TMC2: variants seen among roughly 807,000 people sequenced by gnomAD.
TMC2 encodes the protein transmembrane channel like 2.
A neutral mutation model predicts 105.9 loss-of-function variants in TMC2; 102 were observed. The ratio of observed to expected loss-of-function variants is 0.96; its 90% CI spans 0.82 to 1.14. The LOEUF (loss-of-function observed/expected upper bound fraction) is 1.14. Among genes scored for constraint, TMC2 ranks in the 50% most tolerant of loss-of-function variants. TMC2 has a pLI of 0.00. For missense variants in TMC2, 1,093 were observed against 1,134.3 expected, an observed-to-expected ratio of 0.96 and a Z score of 0.52; for synonymous variants, 402 against 422.8, an observed-to-expected ratio of 0.95 and a Z score of 0.60.
chr20:2,579,926 A>G (rs775735359), intron 6 of TMC2, 24 bp from the exon 7 acceptor site: 11 of 1,549,944 alleles, frequency 7.1e-6, no homozygotes, highest in Non-Finnish European at 8.9e-6. Flanking sequence ...CAGCACTCAT[A>G]CCCACCGTCT....
At chr20:2,542,213 GTGGT>G (rs1040557936) in intron 2 of TMC2, among the ~76,000 whole-genome samples, 8 of 152,160 alleles carry the variant, frequency 5.3e-5, no homozygotes, top group Non-Finnish European at 1.2e-4. Flanking sequence ...ACTCAAGGAG[GTGGT>G]TAGAATTTGG....
At chr20:2,613,835 T>A (rs1301221456) in intron 14 of TMC2, 1 of 211,264 alleles carries the variant, frequency 4.7e-6, no homozygotes, top group Admixed American at 5.3e-5. Context: ...CTCTGTAGTG[T>A]CCTTCTATGC....
chr20:2,548,648 AAAG>A (rs1339342889), intron 2 of TMC2, among the ~76,000 whole-genome samples: 3 of 152,034 alleles, frequency 2.0e-5, no homozygotes, highest in Admixed American at 6.6e-5. Flanking sequence ...CAAAAAAAAA[AAAG>A]AAAGAAAAAG....
intron 10 of TMC2, among the ~76,000 whole-genome samples, chr20:2,597,840 C>T (rs747582962): frequency 1.3e-5 from 2 of 152,080 alleles, no homozygotes; most frequent in Non-Finnish European, 2.9e-5. Flanking sequence ...ATGCTGAGAC[C>T]TGGTGCTGCC....
chr20:2,610,932 CTA>C (rs959145477), intron 12 of TMC2, among the ~76,000 whole-genome samples: 29 of 152,276 alleles, frequency 1.9e-4, no homozygotes, highest in African/African-American at 6.0e-4. Flanking sequence ...CTCTAAGGGG[CTA>C]TGTCATTACT....
At position 2,606,899 on chromosome 20, in the gene TMC2, T is replaced by C. The variant is rs1315753268; in HGVS notation, c.1414-3520T>C. 1.8e-3 allele frequency among the ~76,000 whole-genome samples: 269 copies of C among 148,390 alleles called. 3 individuals are homozygous for C. Among genetic ancestry groups the C allele is most frequent in the East Asian group, 0.016 (82 of 5,138 alleles). On this transcript the variant is annotated intron_variant, in intron 11 of 19. Coordinates refer to ENST00000358864, the MANE Select transcript of TMC2 (RefSeq NM_080751.3). ...CCCTTAATTTCTTTTTTCTTTTTTT[T>C]TTTTTTTTTTTGCAGTATTCTGTCA...
chr20:2,574,400 T>C (rs1297853528), intron 5 of TMC2, among the ~76,000 whole-genome samples: 1 of 152,264 alleles, frequency 6.6e-6, no homozygotes, highest in East Asian at 1.9e-4. Context: ...ACTTGCATTA[T>C]AATTGTAAAT....
At chr20:2,609,171 GT>G (rs1310969451) in intron 11 of TMC2, among the ~76,000 whole-genome samples, 1 of 152,202 alleles carries the variant, frequency 6.6e-6, no homozygotes, top group Non-Finnish European at 1.5e-5. Flanking sequence ...CTCTGAGTCT[GT>G]TTTGGGGGCC....
At chr20:2,641,049 A>G (rs1183440992) in intron 19 of TMC2, 85 bp from the exon 20 acceptor site, 5 of 1,187,466 alleles carry the variant, frequency 4.2e-6, no homozygotes, top group Non-Finnish European at 6.2e-6. Context: ...AAACCTACAC[A>G]CACCGCAGGG....
intron 5 of TMC2, among the ~76,000 whole-genome samples, chr20:2,573,925 C>T (rs1386093012): frequency 6.6e-6 from 1 of 152,098 alleles, no homozygotes; most frequent in Non-Finnish European, 1.5e-5. Context: ...GTTGGGTTCT[C>T]CTAAATGTGA....
intron 2 of TMC2, among the ~76,000 whole-genome samples, chr20:2,543,578 A>G (rs1465147598): frequency 2.0e-5 from 3 of 152,358 alleles, no homozygotes; most frequent in South Asian, 4.1e-4. Context: ...AAAATCCTGT[A>G]ATGAACAATC....
intron 9 of TMC2, among the ~76,000 whole-genome samples, chr20:2,595,314 A>T (rs1441938637): frequency 6.6e-6 from 1 of 152,182 alleles, no homozygotes; most frequent in Non-Finnish European, 1.5e-5. Flanking sequence ...GTGGCTTGAG[A>T]GGGAGCATAG....
intron 17 of TMC2, among the ~76,000 whole-genome samples, chr20:2,624,664 G>A (rs2086551577): frequency 6.6e-6 from 1 of 152,168 alleles, no homozygotes; most frequent in Non-Finnish European, 1.5e-5. Context: ...AAGGATCCGA[G>A]GCATTTATAG....
At chr20:2,545,903 AGAAAAAAAGAAAGAAAT>A (rs1400877429) in intron 2 of TMC2, among the ~76,000 whole-genome samples, 2 of 122,710 alleles carry the variant, frequency 1.6e-5, no homozygotes, top group African/African-American at 6.3e-5. Flanking sequence ...AAAGAAAGAA[AGAAAAAAAGAAAGAAAT>A]GAAAGAAAGA....
intron 4 of TMC2, among the ~76,000 whole-genome samples, chr20:2,563,369 A>C (rs1463798711): frequency 6.6e-6 from 1 of 152,230 alleles, no homozygotes; most frequent in Non-Finnish European, 1.5e-5. Flanking sequence ...CTCCAGGCCT[A>C]TGCTTTAGGC....
chr20:2,633,018 T>C (rs182354878), intron 17 of TMC2, among the ~76,000 whole-genome samples: 1 of 152,372 alleles, frequency 6.6e-6, no homozygotes, highest in African/African-American at 2.4e-5. Flanking sequence ...GTTGTCGTTA[T>C]TGTTGTTTAA....
chr20:2,546,260 G>A (rs1225390758), intron 2 of TMC2, among the ~76,000 whole-genome samples: 2 of 152,144 alleles, frequency 1.3e-5, no homozygotes, highest in East Asian at 3.8e-4. Flanking sequence ...AATGAAACTG[G>A]GTAGCTCCTG....
At position 2,558,255 on chromosome 20, in the gene TMC2, G is replaced by A. The variant is rs150262676; in HGVS notation, c.83-201G>A. On this transcript the variant is annotated intron_variant, in intron 2 of 19. Transcript: ENST00000358864. This position sits in a 1 kb window ranked among gnomAD's most constrained non-coding sequence, Gnocchi z 4.6. ...GAGAAGGCCAGAGAGTGACCTTCCT[G>A]CTTCTGCAGTTTTCTTAGTTTCCTT... is the stretch of plus-strand genomic sequence containing the variant. 334 of 1,313,070 alleles carry A rather than the reference G, an allele frequency of 2.5e-4. 2 individuals are homozygous for A. In the East Asian group the frequency reaches 7.3e-3, roughly 29 times the overall value. 81.3% of individuals were successfully genotyped at this position (1,313,070 alleles called of 1,614,324 possible). A position where few individuals can be genotyped will look rare whatever the true frequency, so the allele number is the denominator to read the frequency against.
Position 2,537,336 on chromosome 20 carries a change from T to C in TMC2, c.82+20T>C, listed in dbSNP as rs1024968120. ...ACACAGGTGAGATGGGGTGGTGGGG[T>C]CTCTGGGGAGCCTGCAGTGCCTGGG... On this transcript the variant is annotated intron_variant, in intron 2 of 19. Transcript: ENST00000358864. The C allele has an allele frequency of 6.3e-7, 1 of 1,588,998 alleles. No homozygotes were observed. Among genetic ancestry groups the C allele is most frequent in the Admixed American group, 1.8e-5 (1 of 56,130 alleles).
Sources: gnomAD v4.1 joint callset for allele counts (sites outside exome capture counted in the v4.1 genomes callset) on GRCh38, gnomAD v4.1.1 for gene constraint, Gnocchi (gnomAD v3.1) non-coding constraint, MANE v1.5 for transcripts, NCBI Gene and HGNC (gene_info 2026-07-23, HGNC 2026-07-21) for gene names.